ARID1A: variants seen among roughly 807,000 people sequenced by gnomAD.
ARID1A encodes the protein AT-rich interactive domain-containing protein 1A.
In ARID1A, 20 loss-of-function variants were observed where a neutral mutation model predicts 212.6. That is an observed-to-expected ratio of 0.09 (90% confidence interval 0.07 to 0.14). The LOEUF is 0.14. Ranked by LOEUF, ARID1A falls within the 10% of genes least tolerant of loss-of-function variation. The pLI is 1.00. For synonymous variants in ARID1A, 1,376 were observed against 1,222.1 expected (o/e 1.13, Z -2.63); for missense variants, 2,587 against 3,059.0 (o/e 0.85, Z 3.64).
In ARID1A at chr1:26,767,994, A is replaced by G. The variant is rs747748886; in HGVS notation, c.3193A>G (p.Thr1065Ala). The change falls in exon 11 of 20, where the codon ACT (threonine) becomes GCT (alanine). Residue 1065 changes from threonine (T) to alanine (A), a missense_variant. This residue lies in a region of ARID1A where 44 missense variants were observed against 99.5 expected (regional missense o/e 0.44). Transcript: ENST00000324856. ...YVSVKEIGGL[T>A]QVNKNKKWRE... The stretch of plus-strand genomic sequence containing the variant: ...GTCTGTGAAGGAGATTGGTGGATTG[A>G]CTCAGGTGAGTGGGCGCCTGACACT... The G allele has an allele frequency of 1.2e-6, 2 of 1,613,610 alleles. No individual in the cohort carries two copies. Among genetic ancestry groups the G allele is most frequent in the Non-Finnish European group, 1.7e-6 (2 of 1,179,750 alleles).
intron 4 of ARID1A, among the ~76,000 whole-genome samples, chr1:26,749,365 GT>G (rs1397118829): frequency 1.3e-5 from 2 of 151,978 alleles, no homozygotes; most frequent in Admixed American, 1.3e-4. Flanking sequence ...TTTGGTGTTT[GT>G]TTTATTTGTT....
chr1:26,707,453 C>T (rs1016874234), intron 1 of ARID1A, among the ~76,000 whole-genome samples: 11 of 151,920 alleles, frequency 7.2e-5, no homozygotes, highest in African/African-American at 2.4e-4. Context: ...GTGATCTACC[C>T]GTCTCGGCCT....
In ARID1A at chr1:26,743,245, CCT is replaced by C. The variant is rs2080805057; in HGVS notation, c.1920+10454_1920+10455del. ...CTGGTCCTCTTGATTAGGATGTATA[CCT>C]GTTTCTCTCTCTTTCTGTCATGCTC... On this transcript the variant is annotated intron_variant, in intron 4 of 19. Transcript: ENST00000324856. Among the ~76,000 whole-genome samples the C allele has an allele frequency of 1.3e-5, 2 of 152,126 alleles. 1 individual carries two copies. The highest frequency in any genetic ancestry group is 4.1e-4 in the South Asian group (2 of 4,824).
intron 1 of ARID1A, among the ~76,000 whole-genome samples, chr1:26,725,599 A>G (rs1392218345): frequency 6.6e-6 from 1 of 152,184 alleles, no homozygotes; most frequent in African/African-American, 2.4e-5. Context: ...GACCAGAAAA[A>G]GAAAGCATAT....
chr1:26,756,813 C>A (rs2080942777), intron 4 of ARID1A, among the ~76,000 whole-genome samples: 1 of 151,768 alleles, frequency 6.6e-6, no homozygotes, highest in African/African-American at 2.4e-5. Flanking sequence ...CGCCATTCTC[C>A]TGCCTCAGCC....
chr1:26,712,345 T>C (rs2080462593), intron 1 of ARID1A, among the ~76,000 whole-genome samples: 3 of 152,180 alleles, frequency 2.0e-5, no homozygotes, highest in East Asian at 3.9e-4. Context: ...AGTTTTGCTG[T>C]GAATTCCTTT....
At chr1:26,740,213 G>C (rs2080774609) in intron 4 of ARID1A, among the ~76,000 whole-genome samples, 1 of 152,184 alleles carries the variant, frequency 6.6e-6, no homozygotes, top group South Asian at 2.1e-4. Context: ...CATTTGACAA[G>C]GGTTGAACTT....
chr1:26,751,666 A>G (rs1369890757), intron 4 of ARID1A, among the ~76,000 whole-genome samples: 1 of 152,238 alleles, frequency 6.6e-6, no homozygotes, highest in Non-Finnish European at 1.5e-5. Flanking sequence ...ATAGTCACAT[A>G]TTCATGTCAA....
Position 26,697,062 on chromosome 1 carries a change from G to A in ARID1A, c.659G>A (p.Ser220Asn). The A allele has an allele frequency of 6.6e-7, 1 of 1,521,178 alleles. No homozygotes were observed. 94.2% of individuals were successfully genotyped at this position (1,521,178 alleles called of 1,614,324 possible). ...TACAACTCCTACTACCCCAACCGCA[G>A]CGCCTACCCCCCGCCCGCCCCGGCC... ...HQYNSYYPNR[S>N]AYPPPAPAYA... Residue 220 changes from serine to asparagine, a missense_variant, in exon 1 of 20, where the codon AGC (serine) becomes AAC (asparagine). Physicochemically the swap from Ser to Asn is conservative, Grantham distance 46. This residue lies in a region of ARID1A where 735 missense variants were observed against 590.6 expected (regional missense o/e 1.24). Transcript: ENST00000324856.
At position 26,731,921 on chromosome 1, in the gene ARID1A, G is replaced by C. The variant is rs1456954015; in HGVS notation, c.1803+317G>C. 2.6e-5 allele frequency among the ~76,000 whole-genome samples: 4 copies of C among 152,048 alleles called. No homozygotes were observed. The South Asian group carries it at 8.3e-4, about 32-fold the overall frequency. On this transcript the variant is annotated intron_variant, in intron 3 of 19. Transcript: ENST00000324856. ...TATTTTATTTTGTAAATCAACATCA[G>C]AACTTCAGCATCTAAGTGAGTTGGT...
chr1:26,732,391 T>C (rs988828882), intron 3 of ARID1A, among the ~76,000 whole-genome samples: 1 of 152,208 alleles, frequency 6.6e-6, no homozygotes, highest in South Asian at 2.1e-4. Context: ...ATTGGTCTCA[T>C]TCCTTGATAG....
Position 26,696,134 on chromosome 1 carries a change from G to T in ARID1A, c.-270G>T. The T allele has an allele frequency of 4.2e-6, 2 of 480,638 alleles. No individual in the cohort carries two copies. Among genetic ancestry groups the T allele is most frequent in the East Asian group, 5.6e-5 (1 of 17,786 alleles). The allele number at this position is 480,638 out of a possible 1,614,324, so 29.8% of individuals were successfully genotyped here. A position where few individuals can be genotyped will look rare whatever the true frequency, so the allele number is the denominator to read the frequency against. ...TTGGGGGGAATGAGCCGGGAGAGCC[G>T]GGTCCCGAGCCTACAGAGCCGGGAG... On this transcript the variant is annotated 5_prime_UTR_variant, in exon 1 of 20. Transcript: ENST00000324856.
chr1:26,762,408 G>A, intron 7 of ARID1A, 89 bp downstream of exon 7: 1 of 1,430,650 alleles, frequency 7.0e-7, no homozygotes, highest in Non-Finnish European at 9.4e-7. Flanking sequence ...TTGTAACCTT[G>A]TGAGAGAAGG....
rs1483256521 is a variant in ARID1A at position 26,766,013 on chromosome 1, G to C, written c.2733-208G>C. ...GCTATGATCACACCACTGCATTCCAGCCAGGGTGCCAGAGCAATACCCTGT... is the reference window on the plus strand; with the variant it reads ...GCTATGATCACACCACTGCATTCCACCCAGGGTGCCAGAGCAATACCCTGT... On this transcript the variant is annotated intron_variant, in intron 8 of 19. Transcript: ENST00000324856. 5 of 583,982 alleles carry C rather than the reference G, an allele frequency of 8.6e-6. No homozygotes were observed. The Admixed American group carries it at 9.9e-5, about 12-fold the overall frequency. The allele number at this position is 583,982 out of a possible 1,614,324, so 36.2% of individuals were successfully genotyped here.
intron 4 of ARID1A, among the ~76,000 whole-genome samples, chr1:26,760,094 T>A (rs1457217732): frequency 6.6e-6 from 1 of 152,212 alleles, no homozygotes; most frequent in Non-Finnish European, 1.5e-5. Flanking sequence ...CCTGGTGCCA[T>A]CCTGGCAGCA....
intron 1 of ARID1A, among the ~76,000 whole-genome samples, chr1:26,704,961 G>C (rs907533994): frequency 6.6e-6 from 1 of 152,094 alleles, no homozygotes; most frequent in Non-Finnish European, 1.5e-5. Flanking sequence ...CTGGAATATA[G>C]TGATTTTGGT....
At chr1:26,711,256 G>A (rs1324364717) in intron 1 of ARID1A, among the ~76,000 whole-genome samples, 1 of 151,792 alleles carries the variant, frequency 6.6e-6, no homozygotes. Flanking sequence ...ACAGGTCCAC[G>A]CCACCACGCC....
chr1:26,726,738 G>C (rs977704008), intron 1 of ARID1A, among the ~76,000 whole-genome samples: 1 of 152,218 alleles, frequency 6.6e-6, no homozygotes, highest in African/African-American at 2.4e-5. Flanking sequence ...ATTTGGGAGA[G>C]CTTTGAAGAT....
In ARID1A at chr1:26,766,287, G is replaced by T. The variant is rs374337987; in HGVS notation, c.2799G>T (p.Gly933=). Residue 933 remains glycine, a synonymous_variant, in exon 9 of 20, where the codon GGG becomes GGT. Transcript: ENST00000324856. The stretch of plus-strand genomic sequence containing the variant: ...GAACTGGACCTCCTTATGGACAAGG[G>T]ATTAATAGTATGGCTGGCATGATCA... ...MMGTGPPYGQ[G]INSMAGMINP... The T allele has an allele frequency of 1.3e-4, 211 of 1,614,166 alleles. 1 individual carries two copies. Among genetic ancestry groups the T allele is most frequent in the Non-Finnish European group, 1.7e-4 (195 of 1,180,024 alleles).
Sources: allele counts gnomAD v4.1 joint callset (sites outside exome capture counted in the v4.1 genomes callset), GRCh38; gene constraint gnomAD v4.1.1; regional missense constraint gnomAD v4.1.1; transcripts MANE v1.5; gene names NCBI Gene and HGNC (gene_info 2026-07-23, HGNC 2026-07-21).